The following NIPBL variants were observed in gnomAD, a reference collection of about 807,000 sequenced individuals.
NIPBL encodes nipped-B-like protein.
A neutral mutation model predicts 321.8 loss-of-function variants in NIPBL; 19 were observed. That is an observed-to-expected ratio of 0.06 (90% CI 0.04 to 0.09). The LOEUF is 0.09. Among genes scored for constraint, NIPBL ranks in the 10% least tolerant of loss-of-function variants. NIPBL has a pLI of 1.00. For synonymous variants in NIPBL, 1,106 were observed against 1,114.1 expected (o/e 0.99, Z 0.14); for missense variants, 2,210 against 3,327.0 (o/e 0.66, Z 8.26).
At chr5:36,988,421 CTA>C (rs1455248503) in intron 10 of NIPBL, among the ~76,000 whole-genome samples, 3 of 151,916 alleles carry the variant, frequency 2.0e-5, no homozygotes, top group African/African-American at 7.3e-5. Context: ...TCAAAAAATA[CTA>C]TGTCAGTGCT....
chr5:36,907,347 T>G (rs1747715655), intron 1 of NIPBL, among the ~76,000 whole-genome samples: 1 of 152,184 alleles, frequency 6.6e-6, no homozygotes, highest in African/African-American at 2.4e-5. Context: ...TCACTTAATC[T>G]TCACAACACC....
chr5:36,900,180 C>T (rs1747091295), intron 1 of NIPBL, among the ~76,000 whole-genome samples: 1 of 151,856 alleles, frequency 6.6e-6, no homozygotes, highest in Admixed American at 6.6e-5. Flanking sequence ...CAGCCAAGCA[C>T]AGATTGGAAA....
intron 1 of NIPBL, among the ~76,000 whole-genome samples, chr5:36,897,384 T>A (rs930552688): frequency 6.6e-6 from 1 of 152,204 alleles, no homozygotes; most frequent in East Asian, 1.9e-4. Flanking sequence ...ATTGATCTTG[T>A]ATCCTGCAAC....
Position 36,975,995 on chromosome 5 carries a change from C to G in NIPBL, c.1088C>G (p.Ser363Cys). The G allele has an allele frequency of 6.2e-7, 1 of 1,614,010 alleles. No individual in the cohort carries two copies. The highest frequency in any genetic ancestry group is 8.5e-7 in the Non-Finnish European group (1 of 1,179,926). Reference protein sequence around the residue: ...KDSTKLTLRLSRVRSSDMDQQ... With the variant: ...KDSTKLTLRLCRVRSSDMDQQ... ...TCTACTAAACTTACATTAAGACTTT[C>G]TCGTGTAAGGTCTTCAGACATGGAC... The change falls in exon 9 of 47, where the codon TCT becomes TGT. Residue 363 changes from serine (S) to cysteine (C), a missense_variant. Transcript: ENST00000282516.
At chr5:37,050,993 A>G (rs1753480354) in intron 40 of NIPBL, 1 of 152,012 alleles carries the variant, frequency 6.6e-6, no homozygotes, top group Non-Finnish European at 1.5e-5. Context: ...CCACCTGGCT[A>G]ATTTTTGTGT....
chr5:36,932,376 G>T (rs1288773848), intron 1 of NIPBL, among the ~76,000 whole-genome samples: 1 of 152,132 alleles, frequency 6.6e-6, no homozygotes, highest in Admixed American at 6.6e-5. Context: ...TCGTTGTTAG[G>T]TATGAATACA....
intron 34 of NIPBL, among the ~76,000 whole-genome samples, chr5:37,042,797 G>T (rs576482914): frequency 6.7e-6 from 1 of 150,062 alleles, no homozygotes; most frequent in Admixed American, 6.7e-5. Context: ...CTGCATTCCA[G>T]CCTGGATGAC....
At chr5:36,896,802 G>A (rs898891012) in intron 1 of NIPBL, among the ~76,000 whole-genome samples, 3 of 152,088 alleles carry the variant, frequency 2.0e-5, no homozygotes, top group African/African-American at 7.2e-5. Flanking sequence ...GTTTCGCCAT[G>A]TTGGCCAGGC....
At chr5:36,963,325 CT>C (rs1246930336) in intron 6 of NIPBL, among the ~76,000 whole-genome samples, 1 of 152,060 alleles carries the variant, frequency 6.6e-6, no homozygotes, top group African/African-American at 2.4e-5. Flanking sequence ...CATGTGTATT[CT>C]TGTTTATTAT....
At position 36,995,996 on chromosome 5, in the gene NIPBL, A is replaced by G. The variant is rs141391098; in HGVS notation, c.3304+192A>G. The stretch of plus-strand genomic sequence containing the variant: ...GATCAGTTGGCACCAAGAAAAAAAT[A>G]TTAAATAAGCTACAATTAATTTTAA... On this transcript the variant is annotated intron_variant, in intron 11 of 46. Coordinates refer to ENST00000282516, the MANE Select transcript of NIPBL (RefSeq NM_133433.4). Among the ~76,000 whole-genome samples, 692 of 152,316 alleles carry G rather than the reference A, an allele frequency of 4.5e-3. 3 individuals carry two copies. Among genetic ancestry groups the G allele is most frequent in the Admixed American group, 6.8e-3 (104 of 15,300 alleles).
chr5:37,022,961 TGAAAG>T (rs1469224334), intron 29 of NIPBL, among the ~76,000 whole-genome samples: 1 of 152,102 alleles, frequency 6.6e-6, no homozygotes, highest in East Asian at 1.9e-4. Flanking sequence ...TTCTGAAAAA[TGAAAG>T]GAAACATTGG....
chr5:37,035,127 A>C (rs1228621918), intron 32 of NIPBL, among the ~76,000 whole-genome samples: 1 of 152,206 alleles, frequency 6.6e-6, no homozygotes, highest in Non-Finnish European at 1.5e-5. Context: ...CATCTCTACA[A>C]ACTGTACAAA....
chr5:36,884,712 C>T (rs1745757612), intron 1 of NIPBL, among the ~76,000 whole-genome samples: 1 of 152,040 alleles, frequency 6.6e-6, no homozygotes, highest in African/African-American at 2.4e-5. Flanking sequence ...TAGAATTGAG[C>T]CATGTGGTAT....
At chr5:36,898,177 A>G (rs1314710424) in intron 1 of NIPBL, among the ~76,000 whole-genome samples, 2 of 152,180 alleles carry the variant, frequency 1.3e-5, no homozygotes, top group African/African-American at 4.8e-5. Flanking sequence ...TATTTTGTTG[A>G]TCAGTAAGGA....
At chr5:36,991,782 G>A (rs1745551009) in intron 10 of NIPBL, among the ~76,000 whole-genome samples, 1 of 149,202 alleles carries the variant, frequency 6.7e-6, no homozygotes, top group Admixed American at 6.7e-5. Context: ...ATAAAATTTG[G>A]AGGTTTATGT....
At position 36,985,146 on chromosome 5, in the gene NIPBL, A is replaced by C; in HGVS notation, c.1966A>C (p.Ser656Arg). 1 of 1,613,914 alleles carries C rather than the reference A, an allele frequency of 6.2e-7. No individual in the cohort carries two copies. Among genetic ancestry groups the C allele is most frequent in the Non-Finnish European group, 8.5e-7 (1 of 1,179,936 alleles). ...AACAGAAGAACTTAAACAGAATGAG[A>C]GCAGAACAACTGAATGCAAACAAAA... ...TQTEELKQNE[S>R]RTTECKQNES... is the part of the protein sequence containing the mutation. The change falls in exon 10 of 47, where the codon AGC becomes CGC. Residue 656 changes from serine (S) to arginine (R), a missense_variant. Physicochemically the swap from Ser to Arg is moderately radical, Grantham distance 110. This residue lies in a region of NIPBL where 588 missense variants were observed against 564.1 expected (regional missense o/e 1.04). Transcript: ENST00000282516.
chr5:37,044,401 G>A lies in NIPBL; in HGVS notation c.6163G>A (p.Val2055Ile). Reference sequence around the variant, plus strand: ...TGTTGCAAAAATCCTAGAGCTAGTTGTACCACTGATGGAGCATCCAAGTGA... The same window carrying A: ...TGTTGCAAAAATCCTAGAGCTAGTTATACCACTGATGGAGCATCCAAGTGA... Reference protein sequence around the residue: ...CNVAKILELVVPLMEHPSETF... With the variant: ...CNVAKILELVIPLMEHPSETF... Residue 2055 changes from valine (V) to isoleucine (I), a missense_variant, in exon 35 of 47, where the codon GTA becomes ATA. This residue lies in a region of NIPBL where 73 missense variants were observed against 222.3 expected (regional missense o/e 0.33). Transcript: ENST00000282516. 6.2e-7 allele frequency: 1 copy of A among 1,613,904 alleles called. No homozygotes were observed. Among genetic ancestry groups the A allele is most frequent in the South Asian group, 1.1e-5 (1 of 91,068 alleles).
At chr5:36,948,656 G>A (rs918180447) in intron 1 of NIPBL, among the ~76,000 whole-genome samples, 5 of 151,906 alleles carry the variant, frequency 3.3e-5, no homozygotes, top group South Asian at 2.1e-4. Flanking sequence ...TGAAAAGAAA[G>A]GTTATGAACT....
At chr5:36,997,905 TAGC>T (rs976436978) in intron 11 of NIPBL, among the ~76,000 whole-genome samples, 7 of 152,116 alleles carry the variant, frequency 4.6e-5, no homozygotes, top group Non-Finnish European at 8.8e-5. Flanking sequence ...TTTTGAAACT[TAGC>T]AGTTTAATCA....
Sources: gnomAD v4.1 joint callset for allele counts (sites outside exome capture counted in the v4.1 genomes callset) on GRCh38, gnomAD v4.1.1 for gene constraint, gnomAD v4.1.1 regional missense constraint, MANE v1.5 for transcripts, NCBI Gene and HGNC (gene_info 2026-07-23, HGNC 2026-07-21) for gene names.